The following NEGR1 variants were observed in gnomAD, a reference collection of about 807,000 sequenced individuals.
NEGR1 encodes the protein neuronal growth regulator 1.
NEGR1 carries 10 observed loss-of-function variants against 40.9 expected under a neutral mutation model. The ratio of observed to expected loss-of-function variants is 0.24; its 90% CI spans 0.15 to 0.42. NEGR1 has a LOEUF of 0.42. Ranked by LOEUF, NEGR1 falls within the 10% of genes least tolerant of loss-of-function variation. The probability of loss-of-function intolerance (pLI) is 1.00; values close to 1 mark genes in which losing one functional copy is unlikely to be tolerated. For missense variants in NEGR1, 352 were observed against 438.9 expected, an observed-to-expected ratio of 0.80 and a Z score of 1.77; for synonymous variants, 185 against 166.8, an observed-to-expected ratio of 1.11 and a Z score of -0.84.
chr1:71,871,073 C>T (rs1016636931), intron 2 of NEGR1, among the ~76,000 whole-genome samples: 9 of 152,120 alleles, frequency 5.9e-5, no homozygotes, highest in East Asian at 1.9e-4. Flanking sequence ...GAAGGGGAGC[C>T]GAGCAGAAGT....
At chr1:72,068,737 T>A (rs184586103) in intron 1 of NEGR1, among the ~76,000 whole-genome samples, 2 of 152,308 alleles carry the variant, frequency 1.3e-5, no homozygotes, top group East Asian at 1.9e-4. Flanking sequence ...GTAAATACTT[T>A]ACCTGAATTA....
chr1:71,608,519 T>C (rs1650141851), intron 5 of NEGR1, among the ~76,000 whole-genome samples: 2 of 142,004 alleles, frequency 1.4e-5, no homozygotes. Flanking sequence ...TTGACAATGG[T>C]TGCTGAATTT....
intron 4 of NEGR1, among the ~76,000 whole-genome samples, chr1:71,617,953 G>T (rs1650497110): frequency 6.6e-6 from 1 of 152,164 alleles, no homozygotes. Flanking sequence ...CGCAAAACTT[G>T]CTTACTTATG....
chr1:71,937,898 G>A (rs1415627072), intron 1 of NEGR1, among the ~76,000 whole-genome samples: 1 of 151,942 alleles, frequency 6.6e-6, no homozygotes, highest in East Asian at 1.9e-4. Context: ...TATTTGGGGG[G>A]TATTAGGGAA....
chr1:71,874,825 C>T (rs754661715), intron 2 of NEGR1, among the ~76,000 whole-genome samples: 4 of 151,934 alleles, frequency 2.6e-5, no homozygotes, highest in Non-Finnish European at 4.4e-5. Context: ...TTTCGGTTTC[C>T]ACAGCAAGTT....
At chr1:71,845,157 C>T (rs971454785) in intron 2 of NEGR1, among the ~76,000 whole-genome samples, 1 of 151,996 alleles carries the variant, frequency 6.6e-6, no homozygotes, top group Admixed American at 6.6e-5. Context: ...GGAAACATTT[C>T]CTGTGTTAAT....
intron 2 of NEGR1, among the ~76,000 whole-genome samples, chr1:71,895,454 T>C (rs944489228): frequency 6.6e-6 from 1 of 152,214 alleles, no homozygotes; most frequent in Non-Finnish European, 1.5e-5. Context: ...CTACTCCTCA[T>C]TCATCCCTTC....
At chr1:71,914,720 T>G (rs939422346) in intron 2 of NEGR1, among the ~76,000 whole-genome samples, 1 of 152,206 alleles carries the variant, frequency 6.6e-6, no homozygotes, top group East Asian at 1.9e-4. Flanking sequence ...AGCCTCCTGA[T>G]GGGAGGATTG....
intron 4 of NEGR1, among the ~76,000 whole-genome samples, chr1:71,645,979 T>C (rs1336167387): frequency 6.6e-6 from 1 of 151,794 alleles, no homozygotes; most frequent in African/African-American, 2.4e-5. Context: ...TTTTATCCTA[T>C]CCTTCTATTG....
chr1:72,061,511 G>A (rs956170158), intron 1 of NEGR1, among the ~76,000 whole-genome samples: 5 of 151,324 alleles, frequency 3.3e-5, no homozygotes, highest in Admixed American at 6.6e-5. Context: ...ATAGACAAAC[G>A]TTGTGTCTAA....
intron 1 of NEGR1, among the ~76,000 whole-genome samples, chr1:72,022,421 C>T (rs1395619237): frequency 6.7e-6 from 1 of 148,502 alleles, no homozygotes; most frequent in Non-Finnish European, 1.5e-5. Flanking sequence ...AGTATATAAT[C>T]ATCTCAATGA....
intron 3 of NEGR1, among the ~76,000 whole-genome samples, chr1:71,711,506 G>C (rs1654091187): frequency 6.7e-6 from 1 of 148,436 alleles, no homozygotes; most frequent in Middle Eastern, 3.6e-3. Context: ...AAAGATTAGT[G>C]CTGTTAGGAA....
intron 1 of NEGR1, among the ~76,000 whole-genome samples, chr1:72,162,024 G>A (rs1397826061): frequency 6.6e-6 from 1 of 151,878 alleles, no homozygotes. Flanking sequence ...TTCAACCAAT[G>A]CTAAAAGTTA....
chr1:71,808,620 A>G (rs2101758547), intron 2 of NEGR1, among the ~76,000 whole-genome samples: 1 of 152,278 alleles, frequency 6.6e-6, no homozygotes, highest in East Asian at 1.9e-4. Context: ...AAAAGAATGT[A>G]CTTCACCTGC....
intron 1 of NEGR1, among the ~76,000 whole-genome samples, chr1:72,191,831 A>G (rs962430967): frequency 4.0e-5 from 6 of 151,676 alleles, no homozygotes; most frequent in African/African-American, 1.2e-4. Flanking sequence ...GGGTAGAGGG[A>G]AACAGGGTGG....
chr1:71,602,900 C>T (rs987790836), intron 5 of NEGR1, among the ~76,000 whole-genome samples: 4 of 152,148 alleles, frequency 2.6e-5, no homozygotes, highest in African/African-American at 9.7e-5. Context: ...AGCTGAAATG[C>T]TTTCAGTTAT....
chr1:72,050,768 A>G (rs1018584383), intron 1 of NEGR1, among the ~76,000 whole-genome samples: 1 of 151,442 alleles, frequency 6.6e-6, no homozygotes, highest in African/African-American at 2.4e-5. Context: ...GTGACTTCTG[A>G]GGTTAGGCCA....
At chr1:71,582,091 C>A (rs755825946) in intron 6 of NEGR1, among the ~76,000 whole-genome samples, 9 of 151,740 alleles carry the variant, frequency 5.9e-5, no homozygotes, top group African/African-American at 9.7e-5. Flanking sequence ...CTTAGGAAGA[C>A]TGAATAAAAA....
At chr1:71,484,973 A>C (rs2101376829) in intron 6 of NEGR1, 1 of 151,896 alleles carries the variant, frequency 6.6e-6, no homozygotes, top group South Asian at 2.1e-4. Context: ...AGAATATAAT[A>C]AACCTCTAAT....
Sources: allele counts gnomAD v4.1 joint callset (sites outside exome capture counted in the v4.1 genomes callset), GRCh38; gene constraint gnomAD v4.1.1; transcripts MANE v1.5; gene names NCBI Gene and HGNC (gene_info 2026-07-23, HGNC 2026-07-21).